The following CYP4F3 variants were observed in gnomAD, a reference collection of about 807,000 sequenced individuals.
CYP4F3 encodes the protein cytochrome P450 family 4 subfamily F member 3, also known as cytochrome P450 4F3.
CYP4F3 carries 50 observed loss-of-function variants against 54.8 expected under a neutral mutation model. The observed-to-expected ratio is 0.91, with a 90% CI of 0.73 to 1.16. CYP4F3 has a LOEUF of 1.16. Ranked by LOEUF, CYP4F3 falls within the 50% of genes most tolerant of loss-of-function variation. CYP4F3 has a pLI of 0.00. For synonymous variants in CYP4F3, 244 were observed against 262.6 expected (o/e 0.93, Z 0.69); for missense variants, 715 against 676.2 (o/e 1.06, Z -0.64).
chr19:15,645,655 C>T, intron 2 of CYP4F3, 64 bp from the exon 3 acceptor site: 1 of 1,524,708 alleles, frequency 6.6e-7, no homozygotes. Flanking sequence ...CACCTCTTCC[C>T]TGCAGATCCT....
chr19:15,652,885 T>C lies in CYP4F3; in HGVS notation c.1048T>C (p.Tyr350His). The C allele has an allele frequency of 6.2e-7, 1 of 1,613,866 alleles. No homozygotes were observed. The highest frequency in any genetic ancestry group is 8.5e-7 in the Non-Finnish European group (1 of 1,179,858). The change falls in exon 9 of 13, where the codon TAC becomes CAC. Residue 350 changes from tyrosine (Y) to histidine (H), a missense_variant. Tyr to His is a moderately conservative substitution (Grantham distance 83). Coordinates refer to ENST00000221307, the MANE Select transcript of CYP4F3 (RefSeq NM_000896.3). ...GTACCACCTTGCAAAGCACCCGGAA[T>C]ACCAGGAGCGCTGTCGGCAGGAGGT... Reference protein sequence around the residue: ...VLYHLAKHPEYQERCRQEVQE... With the variant: ...VLYHLAKHPEHQERCRQEVQE...
intron 5 of CYP4F3, among the ~76,000 whole-genome samples, chr19:15,648,209 G>A (rs538350789): frequency 6.6e-6 from 1 of 152,094 alleles, no homozygotes; most frequent in African/African-American, 2.4e-5. Flanking sequence ...AAACTCCTGG[G>A]TCAGAGACAA....
At chr19:15,642,915 TGGATGG>T (rs1568391062) in intron 2 of CYP4F3, among the ~76,000 whole-genome samples, 1 of 151,506 alleles carries the variant, frequency 6.6e-6, no homozygotes, top group Non-Finnish European at 1.5e-5. Context: ...GATGGATGGA[TGGATGG>T]ATAATACATA....
chr19:15,654,018 G>A (rs1414788052), intron 9 of CYP4F3, among the ~76,000 whole-genome samples: 2 of 152,126 alleles, frequency 1.3e-5, no homozygotes, highest in Non-Finnish European at 2.9e-5. Flanking sequence ...TGTGGAGGGT[G>A]TACTGGAGAG....
rs771161135 is a variant in CYP4F3, at chr19:15,641,535, C to A, written c.120C>A (p.Thr40=). 2 of 1,614,192 alleles carry A rather than the reference C, an allele frequency of 1.2e-6. No homozygotes were observed. Among genetic ancestry groups the A allele is most frequent in the East Asian group, 2.2e-5 (1 of 44,874 alleles). The part of the protein sequence containing the change: ...LLARILAWTY[T]FYDNCCRLRC... ...CCCGCATCCTGGCCTGGACCTATAC[C>A]TTCTATGACAACTGCTGCCGCCTCC... Residue 40 remains threonine (T), a synonymous_variant, in exon 2 of 13, where the codon ACC becomes ACA. Coordinates refer to ENST00000221307, the MANE Select transcript of CYP4F3 (RefSeq NM_000896.3).
chr19:15,648,866 C>G lies in CYP4F3; in HGVS notation c.526-294C>G, dbSNP rs141953295. Among the ~76,000 whole-genome samples the G allele has an allele frequency of 5.1e-3, 783 of 152,192 alleles. 3 individuals carry two copies. The highest frequency in any genetic ancestry group is 0.022 in the South Asian group (107 of 4,820). On this transcript the variant is annotated intron_variant, in intron 5 of 12. Transcript: ENST00000221307. ...TCCAAAGCACATCATCTTAACTGTT[C>G]CTGAATATCTGACAGGTGGGATATA...
intron 6 of CYP4F3, 101 bp downstream of exon 6, chr19:15,649,382 G>A: frequency 1.3e-6 from 2 of 1,580,902 alleles, no homozygotes; most frequent in Non-Finnish European, 1.7e-6. Flanking sequence ...AAACCTTCTT[G>A]GAGGAGTTGT....
intron 3 of CYP4F3, among the ~76,000 whole-genome samples, 156 bp from the exon 4 acceptor site, chr19:15,646,896 C>T (rs893463264): frequency 2.0e-5 from 3 of 152,142 alleles, no homozygotes; most frequent in Admixed American, 2.0e-4. Flanking sequence ...TCCCTCCCCT[C>T]CCCCATCCTG....
At chr19:15,647,147 G>T (rs747419211) in intron 4 of CYP4F3, 42 bp downstream of exon 4, 1 of 1,613,956 alleles carries the variant, frequency 6.2e-7, no homozygotes, top group Non-Finnish European at 8.5e-7. Flanking sequence ...CAACCTGGGG[G>T]GCCAGGGGAG....
At chr19:15,653,505 T>C (rs1325856945) in intron 9 of CYP4F3, among the ~76,000 whole-genome samples, 1 of 152,148 alleles carries the variant, frequency 6.6e-6, no homozygotes, top group Non-Finnish European at 1.5e-5. Flanking sequence ...CAACCAGGGA[T>C]CTATTTTCCA....
rs1140862 is a variant in CYP4F3, at chr19:15,661,567, T to A, written c.*2182T>A. ...CACTCCTATATTTTCTTTGGTGAAG[T>A]GTCTGTTCAATCATCTGCTCATTAA... On this transcript the variant is annotated 3_prime_UTR_variant, in exon 13 of 13. Transcript: ENST00000221307. 68,168 of 151,958 alleles carry A rather than the reference T, an allele frequency of 0.45. 15,771 individuals carry two copies. Among genetic ancestry groups the A allele is most frequent in the East Asian group, 0.54 (2,760 of 5,152 alleles). 9.4% of individuals were successfully genotyped at this position (151,958 alleles called of 1,614,324 possible). A position where few individuals can be genotyped will look rare whatever the true frequency, so the allele number is the denominator to read the frequency against.
intron 9 of CYP4F3, among the ~76,000 whole-genome samples, chr19:15,653,360 A>G (rs1972917766): frequency 6.6e-6 from 1 of 152,066 alleles, no homozygotes; most frequent in Non-Finnish European, 1.5e-5. Flanking sequence ...TGGGGGTAAA[A>G]TTCATCCATT....
chr19:15,643,907 G>T (rs546180575), intron 2 of CYP4F3: 2 of 1,563,326 alleles, frequency 1.3e-6, no homozygotes, highest in African/African-American at 1.4e-5. Flanking sequence ...TTGCTTGCAG[G>T]TCACCCCCAC....
intron 12 of CYP4F3, 134 bp downstream of exon 12, chr19:15,658,943 G>T: frequency 7.5e-7 from 1 of 1,328,104 alleles, no homozygotes; most frequent in Non-Finnish European, 1.0e-6. Context: ...TGGAGTTTAT[G>T]GGAAAAGGCC....
At chr19:15,646,991 C>T (rs1404016942) in intron 3 of CYP4F3, 61 bp from the exon 4 acceptor site, 11 of 1,604,744 alleles carry the variant, frequency 6.9e-6, no homozygotes, top group Admixed American at 5.1e-5. Context: ...AGCCTCCCCC[C>T]ACCCCCAAAG....
Position 15,651,437 on chromosome 19 carries a change from G to A in CYP4F3, c.919-1132G>A, listed in dbSNP as rs144760347. Among the ~76,000 whole-genome samples, 364 of 136,440 alleles carry A rather than the reference G, an allele frequency of 2.7e-3. 35 individuals are homozygous for A. Among genetic ancestry groups the A allele is most frequent in the African/African-American group, 8.5e-3 (322 of 38,068 alleles). 89.5% of individuals were successfully genotyped at this position (136,440 alleles called of 152,430 possible). On this transcript the variant is annotated intron_variant, in intron 7 of 12. Transcript: ENST00000221307. ...GGCTGGAGTGCAGTGGTGCGATCTC[G>A]GCTTACTGCAACCTCCGCCTCCTGG...
chr19:15,644,081 C>G lies in CYP4F3; in HGVS notation c.199-1638C>G, dbSNP rs759966302. On this transcript the variant is annotated intron_variant, in intron 2 of 12. Coordinates refer to ENST00000221307, the MANE Select transcript of CYP4F3 (RefSeq NM_000896.3). ...CACCTGGAATACTTGGTGGTGGGTGCTATGGTGCATTTGAGGCCTGCAAGT... is the reference window on the plus strand; with the variant it reads ...CACCTGGAATACTTGGTGGTGGGTGGTATGGTGCATTTGAGGCCTGCAAGT... 2.6e-6 allele frequency: 4 copies of G among 1,526,062 alleles called. No individual in the cohort carries two copies. In the East Asian group the frequency reaches 9.8e-5, roughly 37 times the overall value. 94.5% of individuals were successfully genotyped at this position (1,526,062 alleles called of 1,614,324 possible). A position where few individuals can be genotyped will look rare whatever the true frequency, so the allele number is the denominator to read the frequency against.
rs774631109 is a variant in CYP4F3 at position 15,649,992 on chromosome 19, A to G, written c.727A>G (p.Ile243Val). Reference protein sequence around the residue: ...TKRHQQILLYIDFLYYLTPDG... With the variant: ...TKRHQQILLYVDFLYYLTPDG... ...AAGACACCAGCAGATCCTCCTGTAC[A>G]TAGACTTCCTGTATTATCTCACCCC... Residue 243 changes from isoleucine (I) to valine (V), a missense_variant, in exon 7 of 13, where the codon ATA becomes GTA. Transcript: ENST00000221307. The G allele has an allele frequency of 6.6e-5, 107 of 1,614,050 alleles. No individual in the cohort carries two copies. The Middle Eastern group carries it at 1.5e-3, about 22-fold the overall frequency.
At position 15,661,735 on chromosome 19, in the gene CYP4F3, T is replaced by G. The variant is rs1373062276; in HGVS notation, c.*2350T>G. 6.6e-6 allele frequency: 1 copy of G among 152,236 alleles called. No individual in the cohort carries two copies. Among genetic ancestry groups the G allele is most frequent in the Non-Finnish European group, 1.5e-5 (1 of 68,050 alleles). The allele number at this position is 152,236 out of a possible 1,614,324, so 9.4% of individuals were successfully genotyped here. A position where few individuals can be genotyped will look rare whatever the true frequency, so the allele number is the denominator to read the frequency against. On this transcript the variant is annotated 3_prime_UTR_variant, in exon 13 of 13. Coordinates refer to ENST00000221307, the MANE Select transcript of CYP4F3 (RefSeq NM_000896.3). ...ATAGAGCAAACGTTTTAAATTTTTA[T>G]GAAGTAAGACTTCTCAGTTTTATTT...
Sources: gnomAD v4.1 joint callset for allele counts (sites outside exome capture counted in the v4.1 genomes callset) on GRCh38, gnomAD v4.1.1 for gene constraint, MANE v1.5 for transcripts, NCBI Gene and HGNC (gene_info 2026-07-23, HGNC 2026-07-21) for gene names.